The following NEMP2 variants were observed in gnomAD, a reference collection of about 807,000 sequenced individuals.
NEMP2 encodes nuclear envelope integral membrane protein 2.
NEMP2 carries 53 observed loss-of-function variants against 54.2 expected under a neutral mutation model. That is an observed-to-expected ratio of 0.98 (90% CI 0.78 to 1.23). NEMP2 has a LOEUF of 1.23. NEMP2 is among the 50% of genes most tolerant of loss of function. The probability of loss-of-function intolerance (pLI) is 0.00; values close to 1 mark genes in which losing one functional copy is unlikely to be tolerated. For synonymous variants in NEMP2, 197 were observed against 190.3 expected (o/e 1.04, Z -0.29); for missense variants, 455 against 511.3 (o/e 0.89, Z 1.06).
the NEMP2 span, among the ~76,000 whole-genome samples, chr2:190,434,467 C>T: frequency 4.6e-5 from 7 of 152,234 alleles, no homozygotes; most frequent in Middle Eastern, 3.4e-3. This position sits in a 1 kb window ranked among gnomAD's most constrained non-coding sequence, Gnocchi z 4.3. Context: ...GACGGAGTCT[C>T]GCTCTGTTGC....
chr2:190,454,987 T>TA, the NEMP2 span, among the ~76,000 whole-genome samples: 1 of 81,496 alleles, frequency 1.2e-5, no homozygotes, highest in Non-Finnish European at 3.4e-5. The surrounding 1 kb of genome is among the most constrained non-coding windows in gnomAD (Gnocchi z 4.6). Flanking sequence ...TGTATATGTA[T>TA]ATGTATATGT....
the NEMP2 span, among the ~76,000 whole-genome samples, chr2:190,592,138 A>C: frequency 1.3e-5 from 2 of 152,126 alleles, no homozygotes; most frequent in African/African-American, 4.8e-5. The surrounding 1 kb of genome is among the most constrained non-coding windows in gnomAD (Gnocchi z 4.4). Context: ...AGGGGGGAAA[A>C]GTAAGCTTTG....
chr2:190,583,948 T>C, the NEMP2 span, among the ~76,000 whole-genome samples: 2,540 of 152,252 alleles, frequency 0.017, 76 homozygotes, highest in African/African-American at 0.057. Flanking sequence ...CTTCCAAGTT[T>C]GGGTTGATAG....
At chr2:190,466,629 G>A in the NEMP2 span, among the ~76,000 whole-genome samples, 21 of 152,252 alleles carry the variant, frequency 1.4e-4, no homozygotes, top group East Asian at 2.3e-3. Context: ...TCATTGTGTC[G>A]TCATTTTCAC....
At chr2:190,460,306 T>C in the NEMP2 span, among the ~76,000 whole-genome samples, 2 of 152,250 alleles carry the variant, frequency 1.3e-5, no homozygotes, top group Admixed American at 1.3e-4. Flanking sequence ...ATCTATTTTT[T>C]AAATATATTT....
chr2:190,567,590 A>G, the NEMP2 span, among the ~76,000 whole-genome samples: 1 of 152,166 alleles, frequency 6.6e-6, no homozygotes, highest in East Asian at 1.9e-4. This position sits in a 1 kb window ranked among gnomAD's most constrained non-coding sequence, Gnocchi z 4.0. Flanking sequence ...TTGCTCAACT[A>G]CAATATTGGA....
the NEMP2 span, among the ~76,000 whole-genome samples, chr2:190,453,793 A>G: frequency 1.8e-4 from 27 of 152,330 alleles, no homozygotes; most frequent in South Asian, 5.4e-3. Flanking sequence ...CAAATAGCCT[A>G]ATGACTTAGG....
chr2:190,588,121 C>T, the NEMP2 span, among the ~76,000 whole-genome samples: 9 of 152,126 alleles, frequency 5.9e-5, no homozygotes, highest in Non-Finnish European at 1.3e-4. This position sits in a 1 kb window ranked among gnomAD's most constrained non-coding sequence, Gnocchi z 5.0. Flanking sequence ...TAATCTCTAA[C>T]GCAGATCTTA....
At chr2:190,532,417 ATAGT>A (rs1691177130) in intron 1 of NEMP2, among the ~76,000 whole-genome samples, 1 of 152,188 alleles carries the variant, frequency 6.6e-6, no homozygotes, top group South Asian at 2.1e-4. Context: ...ATGGACTGTT[ATAGT>A]TTAAGCCTGG....
the NEMP2 span, among the ~76,000 whole-genome samples, chr2:190,438,217 A>AC: frequency 6.6e-6 from 1 of 150,650 alleles, no homozygotes; most frequent in African/African-American, 2.4e-5. This position sits in a 1 kb window ranked among gnomAD's most constrained non-coding sequence, Gnocchi z 5.2. Context: ...TTTAGTTATA[A>AC]AAAAAAAAAT....
At chr2:190,463,184 G>A in the NEMP2 span, among the ~76,000 whole-genome samples, 1 of 152,176 alleles carries the variant, frequency 6.6e-6, no homozygotes, top group South Asian at 2.1e-4. This position sits in a 1 kb window ranked among gnomAD's most constrained non-coding sequence, Gnocchi z 4.4. Flanking sequence ...GGAGGAGGGG[G>A]ACAGTTATGA....
chr2:190,504,410 A>G lies in NEMP2; in HGVS notation c.*4779T>C, dbSNP rs1167875912. ...TTCTCCCAATCTACAGTGCCATACT[A>G]TACATATTTACCTATATCTAGTAAG... On this transcript the variant is annotated 3_prime_UTR_variant, in exon 9 of 9. Transcript: ENST00000409150. This position sits in a 1 kb window ranked among gnomAD's most constrained non-coding sequence, Gnocchi z 5.6. The G allele has an allele frequency of 1.3e-5, 2 of 152,088 alleles. No individual in the cohort carries two copies. Among genetic ancestry groups the G allele is most frequent in the African/African-American group, 2.4e-5 (1 of 41,390 alleles). The allele number at this position is 152,088 out of a possible 1,614,324, so 9.4% of individuals were successfully genotyped here.
chr2:190,421,525 T>C, the NEMP2 span, among the ~76,000 whole-genome samples: 32 of 152,314 alleles, frequency 2.1e-4, no homozygotes, highest in South Asian at 1.5e-3. Context: ...AACAGACTTC[T>C]GTGCTCTTTT....
the NEMP2 span, among the ~76,000 whole-genome samples, chr2:190,627,241 T>A: frequency 1.4e-4 from 22 of 152,378 alleles, no homozygotes; most frequent in East Asian, 3.3e-3. The surrounding 1 kb of genome is among the most constrained non-coding windows in gnomAD (Gnocchi z 4.4). Context: ...AATAAATAAA[T>A]CTTGCAGTAT....
At chr2:190,432,302 G>C in the NEMP2 span, among the ~76,000 whole-genome samples, 1 of 152,232 alleles carries the variant, frequency 6.6e-6, no homozygotes, top group African/African-American at 2.4e-5. Context: ...GATGGGGAAA[G>C]GGGCCAAGGC....
chr2:190,541,932 G>C, the NEMP2 span, among the ~76,000 whole-genome samples: 1 of 151,790 alleles, frequency 6.6e-6, no homozygotes, highest in Non-Finnish European at 1.5e-5. This position sits in a 1 kb window ranked among gnomAD's most constrained non-coding sequence, Gnocchi z 5.2. Context: ...GGCCTGTATG[G>C]TTTTTGTTGA....
chr2:190,532,724 C>T (rs760708471), intron 1 of NEMP2, among the ~76,000 whole-genome samples: 5 of 152,170 alleles, frequency 3.3e-5, no homozygotes, highest in African/African-American at 1.2e-4. Flanking sequence ...AAGGAAGTAC[C>T]AGCTGTTTCC....
chr2:190,575,848 T>C, the NEMP2 span, among the ~76,000 whole-genome samples: 3 of 147,844 alleles, frequency 2.0e-5, no homozygotes, highest in African/African-American at 7.5e-5. Context: ...AAAGCAAGAC[T>C]CCATCTCAAC....
the NEMP2 span, among the ~76,000 whole-genome samples, chr2:190,639,566 G>A: frequency 3.3e-5 from 5 of 151,516 alleles, no homozygotes; most frequent in African/African-American, 1.2e-4. Context: ...AACTGCTTTT[G>A]AAGCAGGATC....
Sources: allele counts gnomAD v4.1 joint callset (sites outside exome capture counted in the v4.1 genomes callset), GRCh38; gene constraint gnomAD v4.1.1; non-coding constraint Gnocchi (gnomAD v3.1); transcripts MANE v1.5; gene names NCBI Gene and HGNC (gene_info 2026-07-23, HGNC 2026-07-21).